DNAH2: variants seen among roughly 807,000 people sequenced by gnomAD.
The protein encoded by DNAH2 is dynein axonemal heavy chain 2.
Under a neutral mutation model 523.5 loss-of-function variants are expected in DNAH2, and 323 were observed. The ratio of observed to expected loss-of-function variants is 0.62; its 90% CI spans 0.56 to 0.68. The LOEUF (loss-of-function observed/expected upper bound fraction) is 0.68, where lower values mean the gene tolerates loss of function less well. DNAH2 is among the 30% of genes least tolerant of loss of function. The pLI, the probability that DNAH2 is intolerant of heterozygous loss-of-function variation, is 0.00. For missense variants in DNAH2, 4,907 were observed against 5,701.5 expected (o/e 0.86, Z 4.49); for synonymous variants, 2,093 against 2,177.4 (o/e 0.96, Z 1.08).
chr17:7,774,296 A>G (rs1225271815), intron 28 of DNAH2, among the ~76,000 whole-genome samples: 1 of 152,166 alleles, frequency 6.6e-6, no homozygotes, highest in Non-Finnish European at 1.5e-5. Context: ...CCTCCGCAGC[A>G]TGGAGACGCT....
In DNAH2 at chr17:7,780,338, C is replaced by G; in HGVS notation, c.5850+54C>G. 1 of 1,612,294 alleles carries G rather than the reference C, an allele frequency of 6.2e-7. No individual in the cohort carries two copies. Among genetic ancestry groups the G allele is most frequent in the South Asian group, 1.1e-5 (1 of 90,816 alleles). ...ATTTTAATTTCCTTTCATAATTATT[C>G]CCTGGACAGAGGAGCTCCCCAAGGG... On this transcript the variant is annotated intron_variant, in intron 37 of 85. Transcript: ENST00000572933. This position sits in a 1 kb window ranked among gnomAD's most constrained non-coding sequence, Gnocchi z 4.4.
chr17:7,777,614 CTT>C lies in DNAH2; in HGVS notation c.5228_5229del (p.Leu1743ProfsTer9). ...CAATTCCTTTGACTGGCTCAGCCAACTTCGGTTCTACTGGGAGAAGGTGCCAG... is the reference window on the plus strand; with the variant it reads ...CAATTCCTTTGACTGGCTCAGCCAACCGGTTCTACTGGGAGAAGGTGCCAG... ...DVNSFDWLSQLRFYWEKDLDD... is the reference protein window; with the variant it reads ...DVNSFDWLSQXRFYWEKDLDD... On this transcript the variant is annotated frameshift_variant, in exon 33 of 86. Coordinates refer to ENST00000572933, the MANE Select transcript of DNAH2 (RefSeq NM_020877.5). LOFTEE classifies it high-confidence loss of function. 6.2e-7 allele frequency: 1 copy of C among 1,614,198 alleles called. No individual in the cohort carries two copies. Among genetic ancestry groups the C allele is most frequent in the South Asian group, 1.1e-5 (1 of 91,084 alleles).
chr17:7,732,182 C>G (rs562520727), intron 4 of DNAH2, among the ~76,000 whole-genome samples: 1 of 151,716 alleles, frequency 6.6e-6, no homozygotes, highest in Non-Finnish European at 1.5e-5. Flanking sequence ...CGCTTGTAAT[C>G]CCAGCGCTTT....
rs1010726968 is a variant in DNAH2, at chr17:7,832,194, T to C, written c.12727-385T>C. ...GGGCTGCCACCACATAGTCTTCTCA[T>C]ATCTGCTTCAGGTGCTCAAAATAAG... is the stretch of plus-strand genomic sequence containing the variant. On this transcript the variant is annotated intron_variant, in intron 82 of 85. Coordinates refer to ENST00000572933, the MANE Select transcript of DNAH2 (RefSeq NM_020877.5). The surrounding 1 kb of genome is among the most constrained non-coding windows in gnomAD (Gnocchi z 4.3). Among the ~76,000 whole-genome samples, 1 of 152,156 alleles carries C rather than the reference T, an allele frequency of 6.6e-6. No homozygotes were observed. Among genetic ancestry groups the C allele is most frequent in the African/African-American group, 2.4e-5 (1 of 41,418 alleles).
At chr17:7,805,223 T>C in intron 60 of DNAH2, 29 bp from the exon 61 acceptor site, 1 of 1,613,358 alleles carries the variant, frequency 6.2e-7, no homozygotes, top group Non-Finnish European at 8.5e-7. Flanking sequence ...GGTCCTGTCT[T>C]ACCCTCACTT....
At chr17:7,738,531 G>C (rs142751196) in intron 8 of DNAH2, among the ~76,000 whole-genome samples, 1 of 151,914 alleles carries the variant, frequency 6.6e-6, no homozygotes, top group Non-Finnish European at 1.5e-5. Flanking sequence ...GGGTTTCACC[G>C]TGTTAGCCAG....
At chr17:7,781,200 T>C (rs753001811) in intron 39 of DNAH2, 33 bp downstream of exon 39, 1 of 1,613,260 alleles carries the variant, frequency 6.2e-7, no homozygotes, top group Non-Finnish European at 8.5e-7. Flanking sequence ...CCTGACCGGG[T>C]GCTGTGGCTC....
chr17:7,754,193 C>T lies in DNAH2; in HGVS notation c.1905-2898C>T, dbSNP rs143798223. The T allele has an allele frequency of 9.2e-4, 158 of 172,608 alleles. No individual in the cohort carries two copies. Among genetic ancestry groups the T allele is most frequent in the African/African-American group, 3.6e-3 (152 of 42,178 alleles). The allele number at this position is 172,608 out of a possible 1,614,324, so 10.7% of individuals were successfully genotyped here. On this transcript the variant is annotated intron_variant, in intron 12 of 85. Coordinates refer to ENST00000572933, the MANE Select transcript of DNAH2 (RefSeq NM_020877.5). The surrounding 1 kb of genome is among the most constrained non-coding windows in gnomAD (Gnocchi z 4.6). The stretch of plus-strand genomic sequence containing the variant: ...ACAGGATATGGCACCTGAAGAAGGA[C>T]AGGAGTTGAAGGGGCGCTGTTTTTT...
chr17:7,757,299 A>T (rs1218980801), intron 13 of DNAH2, 62 bp downstream of exon 13: 4 of 1,576,998 alleles, frequency 2.5e-6, no homozygotes, highest in Middle Eastern at 3.4e-4. Flanking sequence ...TTTTTCTCTT[A>T]TCTGCCCTGT....
rs2076934720 is a variant in DNAH2 at position 7,792,785 on chromosome 17, T to C, written c.7274T>C (p.Ile2425Thr). The C allele has an allele frequency of 1.2e-6, 2 of 1,614,050 alleles. No homozygotes were observed. The highest frequency in any genetic ancestry group is 4.5e-5 in the East Asian group (2 of 44,894). The change falls in exon 47 of 86, where the codon ATC (isoleucine) becomes ACC (threonine). Residue 2425 changes from isoleucine (I) to threonine (T), a missense_variant. Physicochemically the swap from Ile to Thr is moderately conservative, Grantham distance 89. Around this residue, in one of 3 missense-constraint regions of DNAH2, gnomAD observed 2,806 missense variants for 3,190.8 expected, o/e 0.88. Coordinates refer to ENST00000572933, the MANE Select transcript of DNAH2 (RefSeq NM_020877.5). ...CCCGTGGGGACTGGGAAGACCTCCATCGCCCAGAGCGTTCTGCAGTCCCTG... is the reference window on the plus strand; with the variant it reads ...CCCGTGGGGACTGGGAAGACCTCCACCGCCCAGAGCGTTCTGCAGTCCCTG... ...VGPVGTGKTS[I>T]AQSVLQSLPS...
chr17:7,753,839 T>C (rs2075759328), intron 12 of DNAH2, among the ~76,000 whole-genome samples: 1 of 151,948 alleles, frequency 6.6e-6, no homozygotes, highest in African/African-American at 2.4e-5. Context: ...TCCCAGCTAC[T>C]CGGAAGGCTG....
rs2151241636 is a variant in DNAH2, at chr17:7,778,602, A to ATT, written c.5541+135_5541+136dup. Reference sequence around the variant, plus strand: ...CATCACATGTAATTCTTATTTATTTATTTATTTATTTTTTGGAGTGCAGTG... The same window carrying ATT: ...CATCACATGTAATTCTTATTTATTTATTTTTATTTATTTTTTGGAGTGCAGTG... On this transcript the variant is annotated intron_variant, in intron 35 of 85. Transcript: ENST00000572933. 3 of 896,434 alleles carry ATT rather than the reference A, an allele frequency of 3.3e-6. No homozygotes were observed. In the South Asian group the frequency reaches 8.2e-5, roughly 25 times the overall value. 55.5% of individuals were successfully genotyped at this position (896,434 alleles called of 1,614,324 possible).
At chr17:7,806,140 A>G (rs1416365638) in intron 61 of DNAH2, among the ~76,000 whole-genome samples, 3 of 152,206 alleles carry the variant, frequency 2.0e-5, no homozygotes, top group South Asian at 4.1e-4. Context: ...TGTTCAATAC[A>G]TTACATGAGA....
chr17:7,816,305 C>T (rs1199081857), intron 63 of DNAH2, among the ~76,000 whole-genome samples: 1 of 152,058 alleles, frequency 6.6e-6, no homozygotes, highest in Non-Finnish European at 1.5e-5. Flanking sequence ...TACCCTGAAA[C>T]TACCAAGTAG....
In DNAH2 at chr17:7,832,754, A is replaced by G; in HGVS notation, c.12902A>G (p.Asn4301Ser). Residue 4301 changes from asparagine (N) to serine (S), a missense_variant and splice_region_variant, in exon 83 of 86, where the codon AAC becomes AGC. Physicochemically the swap from Asn to Ser is conservative, Grantham distance 46. Around this residue, in one of 3 missense-constraint regions of DNAH2, gnomAD observed 1,851 missense variants for 2,139.4 expected, o/e 0.87. Coordinates refer to ENST00000572933, the MANE Select transcript of DNAH2 (RefSeq NM_020877.5). This position sits in a 1 kb window ranked among gnomAD's most constrained non-coding sequence, Gnocchi z 4.3. ...CTGCAGTCTTCAGCTCGCCAAAACAACGTGAGCAATGTGCAAAGTGTGAGG... is the reference window on the plus strand; with the variant it reads ...CTGCAGTCTTCAGCTCGCCAAAACAGCGTGAGCAATGTGCAAAGTGTGAGG... ...AVLQSSARQN[N>S]VSVDSLSWEF... is the part of the protein sequence containing the mutation. The G allele has an allele frequency of 6.2e-7, 1 of 1,614,068 alleles. No individual in the cohort carries two copies. Among genetic ancestry groups the G allele is most frequent in the South Asian group, 1.1e-5 (1 of 91,080 alleles).
chr17:7,780,149 T>C lies in DNAH2; in HGVS notation c.5723-8T>C. ...ATATGATTCTAAGCAAGTGGCATTG[T>C]TTTCCAGGCTATGCTGGCCGCACAG... On this transcript the variant is annotated splice_polypyrimidine_tract_variant and splice_region_variant and intron_variant, in intron 36 of 85. Transcript: ENST00000572933. This position sits in a 1 kb window ranked among gnomAD's most constrained non-coding sequence, Gnocchi z 4.4. 1 of 1,603,192 alleles carries C rather than the reference T, an allele frequency of 6.2e-7. No individual in the cohort carries two copies. The highest frequency in any genetic ancestry group is 1.8e-5 in the Admixed American group (1 of 56,030).
chr17:7,741,534 A>G (rs1055880583), intron 11 of DNAH2, among the ~76,000 whole-genome samples: 9 of 150,904 alleles, frequency 6.0e-5, no homozygotes, highest in African/African-American at 2.0e-4. Flanking sequence ...ATTTTTTTGT[A>G]TTTTTAGTAG....
chr17:7,776,110 C>G lies in DNAH2; in HGVS notation c.4908C>G (p.Leu1636=). Residue 1636 remains leucine, a synonymous_variant, in exon 31 of 86, where the codon CTC becomes CTG. Coordinates refer to ENST00000572933, the MANE Select transcript of DNAH2 (RefSeq NM_020877.5). ...RNCHLALRKF[L]NKRDKWVKEW... ...GCCACCTGGCCCTCAGGAAGTTCCT[C>G]AACAAGAGGGACAAATGGGTGAAGG... 1 of 1,614,032 alleles carries G rather than the reference C, an allele frequency of 6.2e-7. No homozygotes were observed. The highest frequency in any genetic ancestry group is 8.5e-7 in the Non-Finnish European group (1 of 1,179,962).
intron 63 of DNAH2, among the ~76,000 whole-genome samples, chr17:7,815,719 C>T (rs1186809117): frequency 6.6e-6 from 1 of 151,812 alleles, no homozygotes; most frequent in African/African-American, 2.4e-5. Context: ...CGGGATCACA[C>T]ACACGTATAC....
Sources: allele counts gnomAD v4.1 joint callset (sites outside exome capture counted in the v4.1 genomes callset), GRCh38; gene constraint gnomAD v4.1.1; regional missense constraint gnomAD v4.1.1; non-coding constraint Gnocchi (gnomAD v3.1); transcripts MANE v1.5; gene names NCBI Gene and HGNC (gene_info 2026-07-23, HGNC 2026-07-21).